The following SLC35F4 variants were observed in gnomAD, a reference collection of about 807,000 sequenced individuals.
SLC35F4 encodes chromosome 14 open reading frame 36.
Under a neutral mutation model 44.2 loss-of-function variants are expected in SLC35F4, and 24 were observed. The observed-to-expected ratio is 0.54, with a 90% CI of 0.39 to 0.76. SLC35F4 has a LOEUF of 0.76. Ranked by LOEUF, SLC35F4 falls within the 30% of genes least tolerant of loss-of-function variation. The pLI is 0.00. For synonymous variants in SLC35F4, 238 were observed against 223.6 expected, an observed-to-expected ratio of 1.06 and a Z score of -0.57; for missense variants, 562 against 586.1, an observed-to-expected ratio of 0.96 and a Z score of 0.42.
intron 4 of SLC35F4, among the ~76,000 whole-genome samples, chr14:57,572,855 G>T (rs914585001): frequency 2.0e-5 from 3 of 152,172 alleles, no homozygotes; most frequent in African/African-American, 7.2e-5. Context: ...TAGTTCTACT[G>T]GAAAGCAGTT....
Position 57,676,443 on chromosome 14 carries a change from A to C in SLC35F4, c.104-82319T>G, listed in dbSNP as rs1266494553. On this transcript the variant is annotated intron_variant, in intron 1 of 7. Coordinates refer to ENST00000556826, the MANE Select transcript of SLC35F4 (RefSeq NM_001306087.2). Reference sequence around the variant, plus strand: ...CTGTCATGGGGATGGGGGAAGAGAGAGCACCAGGATAAAAGCTATGCCTGC... The same window carrying C: ...CTGTCATGGGGATGGGGGAAGAGAGCGCACCAGGATAAAAGCTATGCCTGC... Among the ~76,000 whole-genome samples, 4 of 152,092 alleles carry C rather than the reference A, an allele frequency of 2.6e-5. No homozygotes were observed. The South Asian group carries it at 8.3e-4, about 31-fold the overall frequency.
intron 1 of SLC35F4, among the ~76,000 whole-genome samples, chr14:57,833,335 T>G (rs1053842435): frequency 1.3e-5 from 2 of 152,196 alleles, no homozygotes; most frequent in Non-Finnish European, 2.9e-5. Flanking sequence ...TTTTGGTATT[T>G]TCATTCTTTT....
intron 2 of SLC35F4, among the ~76,000 whole-genome samples, chr14:57,592,060 A>C (rs1424609534): frequency 1.3e-5 from 2 of 151,584 alleles, no homozygotes; most frequent in African/African-American, 4.9e-5. Flanking sequence ...GGTACCCAGA[A>C]CTCTTTTATT....
intron 3 of SLC35F4, 41 bp from the exon 4 acceptor site, chr14:57,581,474 T>G: frequency 2.0e-6 from 3 of 1,534,484 alleles, no homozygotes; most frequent in Non-Finnish European, 2.7e-6. Context: ...GTACTGATGG[T>G]GACACCTCTT....
chr14:57,889,182 G>C (rs1379439435), intron 1 of SLC35F4, among the ~76,000 whole-genome samples: 1 of 152,204 alleles, frequency 6.6e-6, no homozygotes, highest in Non-Finnish European at 1.5e-5. Flanking sequence ...TCCTGGGGCA[G>C]TTCATCTGTG....
intron 1 of SLC35F4, among the ~76,000 whole-genome samples, chr14:57,624,597 T>A (rs1463720162): frequency 6.6e-6 from 1 of 152,134 alleles, no homozygotes; most frequent in African/African-American, 2.4e-5. Context: ...ATCAAAAAGT[T>A]TATCCACCAT....
intron 1 of SLC35F4, among the ~76,000 whole-genome samples, chr14:57,884,754 T>C (rs1489784139): frequency 6.6e-6 from 1 of 152,178 alleles, no homozygotes; most frequent in Non-Finnish European, 1.5e-5. Flanking sequence ...TATGACTATA[T>C]TAGTATGATG....
At position 57,838,788 on chromosome 14, in the gene SLC35F4, G is replaced by A. The variant is rs143508428; in HGVS notation, c.103+26935C>T. On this transcript the variant is annotated intron_variant, in intron 1 of 7. Transcript: ENST00000556826. ...ATTGTGGGCCAGGGAGATTATAGGT[G>A]TATATAGAGAGGTAAAGAATATTTG... Among the ~76,000 whole-genome samples the A allele has an allele frequency of 3.9e-4, 59 of 152,234 alleles. 2 individuals carry two copies. The East Asian group carries it at 9.7e-3, about 25-fold the overall frequency.
intron 1 of SLC35F4, among the ~76,000 whole-genome samples, chr14:57,717,110 T>C (rs929049604): frequency 2.6e-5 from 4 of 152,246 alleles, no homozygotes; most frequent in Non-Finnish European, 5.9e-5. Flanking sequence ...TTTATGTAGA[T>C]GAACCCTTAG....
intron 1 of SLC35F4, among the ~76,000 whole-genome samples, chr14:57,892,558 C>A (rs761360135): frequency 2.0e-5 from 3 of 152,176 alleles, no homozygotes; most frequent in Non-Finnish European, 2.9e-5. Flanking sequence ...ACCTGCCTGG[C>A]AGATATTATA....
chr14:57,564,674 G>A (rs1287803973), intron 7 of SLC35F4, among the ~76,000 whole-genome samples: 1 of 152,168 alleles, frequency 6.6e-6, no homozygotes, highest in Non-Finnish European at 1.5e-5. Flanking sequence ...GACCATTGGA[G>A]ATTTTTCAAA....
intron 1 of SLC35F4, among the ~76,000 whole-genome samples, chr14:57,773,004 C>T (rs1871012237): frequency 6.6e-6 from 1 of 152,074 alleles, no homozygotes; most frequent in Admixed American, 6.5e-5. Context: ...TCTCCATATC[C>T]ATGCCAACAT....
chr14:57,878,766 A>G (rs1216985807), intron 1 of SLC35F4, among the ~76,000 whole-genome samples: 1 of 151,592 alleles, frequency 6.6e-6, no homozygotes, highest in East Asian at 1.9e-4. Context: ...TATTCCCAAC[A>G]TCTAGTATAG....
chr14:57,894,021 T>C (rs1888824657), intron 1 of SLC35F4, among the ~76,000 whole-genome samples: 1 of 152,136 alleles, frequency 6.6e-6, no homozygotes, highest in African/African-American at 2.4e-5. Context: ...TTAGATCACG[T>C]CCCTGCATTA....
At chr14:57,601,376 G>A (rs1403294348) in intron 1 of SLC35F4, among the ~76,000 whole-genome samples, 4 of 151,462 alleles carry the variant, frequency 2.6e-5, no homozygotes, top group Admixed American at 2.0e-4. Flanking sequence ...TTGTTACCTG[G>A]GTATACTGCT....
At chr14:57,760,376 C>T (rs1018195260) in intron 1 of SLC35F4, among the ~76,000 whole-genome samples, 1 of 152,082 alleles carries the variant, frequency 6.6e-6, no homozygotes, top group Non-Finnish European at 1.5e-5. Context: ...CTATTTTATT[C>T]CATTAGTCTA....
intron 1 of SLC35F4, among the ~76,000 whole-genome samples, chr14:57,738,778 T>C (rs941136975): frequency 1.0e-5 from 1 of 100,466 alleles, no homozygotes; most frequent in East Asian, 2.8e-4. Context: ...TATATATATA[T>C]ATATATATAG....
At chr14:57,848,686 G>T (rs933944681) in intron 1 of SLC35F4, among the ~76,000 whole-genome samples, 1 of 152,198 alleles carries the variant, frequency 6.6e-6, no homozygotes, top group Non-Finnish European at 1.5e-5. Context: ...ATAAGCAACA[G>T]ATTTGAAGGG....
At chr14:57,891,918 T>C (rs1888778002) in intron 1 of SLC35F4, among the ~76,000 whole-genome samples, 1 of 150,222 alleles carries the variant, frequency 6.7e-6, no homozygotes, top group Admixed American at 6.6e-5. Flanking sequence ...TTCTTAAGAG[T>C]CTTTCTGGGT....
Sources: gnomAD v4.1 joint callset for allele counts (sites outside exome capture counted in the v4.1 genomes callset) on GRCh38, gnomAD v4.1.1 for gene constraint, MANE v1.5 for transcripts, NCBI Gene and HGNC (gene_info 2026-07-23, HGNC 2026-07-21) for gene names.